Variants in TNIK observed in about 807,000 individuals in gnomAD.
TNIK encodes TRAF2 and NCK-interacting protein kinase.
In TNIK, 49 loss-of-function variants were observed where a neutral mutation model predicts 191.3. That is an observed-to-expected ratio of 0.26 (90% CI 0.20 to 0.32). TNIK has a LOEUF of 0.32. Ranked by LOEUF, TNIK falls within the 10% of genes least tolerant of loss-of-function variation. TNIK has a pLI of 1.00. For missense variants in TNIK, 1,155 were observed against 1,702.3 expected (o/e 0.68, Z 5.66); for synonymous variants, 594 against 600.9 (o/e 0.99, Z 0.17).
intron 2 of TNIK, among the ~76,000 whole-genome samples, chr3:171,343,205 G>T (rs138057896): frequency 9.7e-4 from 147 of 152,224 alleles, no homozygotes; most frequent in Non-Finnish European, 1.9e-3. Flanking sequence ...CATGGAGAGG[G>T]GTGAGCCGTT....
In TNIK at chr3:171,063,550, AC is replaced by A. The variant is rs377362305; in HGVS notation, c.*330del. 4 of 196,026 alleles carry A rather than the reference AC, an allele frequency of 2.0e-5. No individual in the cohort carries two copies. Among genetic ancestry groups the A allele is most frequent in the African/African-American group, 9.3e-5 (4 of 43,104 alleles). The allele number at this position is 196,026 out of a possible 1,614,324, so 12.1% of individuals were successfully genotyped here. A position where few individuals can be genotyped will look rare whatever the true frequency, so the allele number is the denominator to read the frequency against. On this transcript the variant is annotated 3_prime_UTR_variant, in exon 33 of 33. Transcript: ENST00000436636. ...AAAGAAAAAAGGTAAAAACCTGAAA[AC>A]CCACCATAACACAGCTTAATCGTTA...
At chr3:171,189,821 G>A (rs1462902924) in intron 6 of TNIK, among the ~76,000 whole-genome samples, 2 of 152,090 alleles carry the variant, frequency 1.3e-5, no homozygotes, top group Non-Finnish European at 2.9e-5. Context: ...ATATATAACT[G>A]CTTAGCCTAC....
At chr3:171,326,932 T>G (rs899368246) in intron 2 of TNIK, among the ~76,000 whole-genome samples, 2 of 152,136 alleles carry the variant, frequency 1.3e-5, no homozygotes, top group South Asian at 2.1e-4. Flanking sequence ...AGCACCATAC[T>G]TAGAATCATC....
rs1023968164 is a variant in TNIK at position 171,062,199 on chromosome 3, T to C, written c.*1682A>G. On this transcript the variant is annotated 3_prime_UTR_variant, in exon 33 of 33. Transcript: ENST00000436636. ...GTTGTTGTTGTTCCATTTACAGTAA[T>C]TATTTTCTCCAGAAACAAGCCACAT... The C allele has an allele frequency of 1.3e-5, 2 of 152,184 alleles. No homozygotes were observed. The highest frequency in any genetic ancestry group is 4.8e-5 in the African/African-American group (2 of 41,438). The allele number at this position is 152,184 out of a possible 1,614,324, so 9.4% of individuals were successfully genotyped here. A position where few individuals can be genotyped will look rare whatever the true frequency, so the allele number is the denominator to read the frequency against.
intron 2 of TNIK, among the ~76,000 whole-genome samples, chr3:171,308,986 C>A (rs149820613): frequency 6.6e-6 from 1 of 152,092 alleles, no homozygotes; most frequent in African/African-American, 2.4e-5. Context: ...GAAAGCAGTT[C>A]GGTGATTTCT....
At chr3:171,298,783 A>G (rs1752586709) in intron 2 of TNIK, among the ~76,000 whole-genome samples, 2 of 152,238 alleles carry the variant, frequency 1.3e-5, no homozygotes, top group South Asian at 4.1e-4. Context: ...CTGTTCCTGC[A>G]GCACATCTAT....
chr3:171,175,732 C>A (rs1735877204), intron 8 of TNIK, among the ~76,000 whole-genome samples: 2 of 152,162 alleles, frequency 1.3e-5, no homozygotes, highest in Non-Finnish European at 2.9e-5. Context: ...AAATAAAAGG[C>A]ATTTCATTAT....
chr3:171,402,671 C>T (rs980837804), intron 1 of TNIK, among the ~76,000 whole-genome samples: 1 of 152,212 alleles, frequency 6.6e-6, no homozygotes, highest in East Asian at 1.9e-4. Context: ...AAAAAAACAT[C>T]CTTAACTTCT....
At chr3:171,272,257 T>C (rs925478845) in intron 2 of TNIK, among the ~76,000 whole-genome samples, 1 of 152,232 alleles carries the variant, frequency 6.6e-6, no homozygotes, top group Non-Finnish European at 1.5e-5. Context: ...TGTTGAGGTC[T>C]GCAGGGCAAG....
At chr3:171,373,691 G>A (rs1716839947) in intron 1 of TNIK, among the ~76,000 whole-genome samples, 1 of 152,192 alleles carries the variant, frequency 6.6e-6, no homozygotes, top group Admixed American at 6.5e-5. Context: ...CCAGCCTTGT[G>A]TTCCATCATT....
intron 6 of TNIK, among the ~76,000 whole-genome samples, chr3:171,189,963 C>T (rs1278071402): frequency 1.3e-5 from 2 of 152,106 alleles, no homozygotes; most frequent in Admixed American, 1.3e-4. Context: ...GGGATATAAA[C>T]ATAGAAGATG....
At chr3:171,413,622 C>T (rs533201240) in intron 1 of TNIK, among the ~76,000 whole-genome samples, 7 of 152,246 alleles carry the variant, frequency 4.6e-5, no homozygotes, top group Non-Finnish European at 1.0e-4. Context: ...CCCATTAATC[C>T]ATTTTGTTTT....
chr3:171,330,615 G>A (rs1756303125), intron 2 of TNIK, among the ~76,000 whole-genome samples: 1 of 152,160 alleles, frequency 6.6e-6, no homozygotes, highest in Non-Finnish European at 1.5e-5. Context: ...GCTGGAGGAG[G>A]TATAGGGGCA....
intron 2 of TNIK, among the ~76,000 whole-genome samples, chr3:171,279,580 G>A (rs934182586): frequency 6.6e-6 from 1 of 152,156 alleles, no homozygotes; most frequent in Non-Finnish European, 1.5e-5. Context: ...TTCCAATACT[G>A]CTAATTTAAT....
At chr3:171,200,784 A>G (rs1445415654) in intron 4 of TNIK, among the ~76,000 whole-genome samples, 1 of 152,188 alleles carries the variant, frequency 6.6e-6, no homozygotes, top group African/African-American at 2.4e-5. Flanking sequence ...AGGCAGTCAA[A>G]GGTTTGGATG....
At position 171,276,505 on chromosome 3, in the gene TNIK, T is replaced by C. The variant is rs573887622; in HGVS notation, c.124-48284A>G. Among the ~76,000 whole-genome samples, 78 of 152,248 alleles carry C rather than the reference T, an allele frequency of 5.1e-4. 1 individual carries two copies. Among genetic ancestry groups the C allele is most frequent in the African/African-American group, 1.7e-3 (71 of 41,538 alleles). On this transcript the variant is annotated intron_variant, in intron 2 of 32. Coordinates refer to ENST00000436636, the MANE Select transcript of TNIK (RefSeq NM_015028.4). ...GGGAAAATGGCATTTGGAAATTCCA[T>C]AAAAACAAACAGCCATACGAACAAG...
intron 1 of TNIK, among the ~76,000 whole-genome samples, chr3:171,455,406 CTTT>C (rs761736063): frequency 7.3e-6 from 1 of 137,474 alleles, no homozygotes. Flanking sequence ...ACCACACTGA[CTTT>C]TTTTTTTTTT....
chr3:171,374,285 A>C (rs1405922008), intron 1 of TNIK, among the ~76,000 whole-genome samples: 1 of 152,218 alleles, frequency 6.6e-6, no homozygotes, highest in East Asian at 1.9e-4. Flanking sequence ...TAGTATTCCC[A>C]GCTTAAAAAA....
intron 1 of TNIK, among the ~76,000 whole-genome samples, chr3:171,427,402 C>T (rs1214044916): frequency 2.0e-5 from 3 of 152,150 alleles, no homozygotes; most frequent in Non-Finnish European, 2.9e-5. Flanking sequence ...TGCCTTTGAT[C>T]CCCTTTTCTT....
Sources: gnomAD v4.1 joint callset for allele counts (sites outside exome capture counted in the v4.1 genomes callset) on GRCh38, gnomAD v4.1.1 for gene constraint, MANE v1.5 for transcripts, NCBI Gene and HGNC (gene_info 2026-07-23, HGNC 2026-07-21) for gene names.